Variants in SORCS1 observed in about 807,000 individuals in gnomAD.
The protein encoded by SORCS1 is VPS10 domain-containing receptor SorCS1.
A neutral mutation model predicts 146.1 loss-of-function variants in SORCS1; 60 were observed. The ratio of observed to expected loss-of-function variants is 0.41; its 90% confidence interval spans 0.33 to 0.51. SORCS1 has a LOEUF of 0.51. Among genes scored for constraint, SORCS1 ranks in the 20% least tolerant of loss-of-function variants. SORCS1 has a pLI of 0.21. For synonymous variants in SORCS1, 637 were observed against 584.0 expected, an observed-to-expected ratio of 1.09 and a Z score of -1.31; for missense variants, 1,352 against 1,487.6, an observed-to-expected ratio of 0.91 and a Z score of 1.50.
intron 22 of SORCS1, among the ~76,000 whole-genome samples, chr10:106,611,584 G>A (rs1284283717): frequency 1.3e-5 from 2 of 152,078 alleles, no homozygotes; most frequent in African/African-American, 2.4e-5. Flanking sequence ...AATTCCTAAT[G>A]GCCTAATTGT....
intron 5 of SORCS1, among the ~76,000 whole-genome samples, chr10:106,760,937 T>G (rs1260575728): frequency 6.6e-6 from 1 of 152,022 alleles, no homozygotes; most frequent in Non-Finnish European, 1.5e-5. Flanking sequence ...TGAAACCCCA[T>G]CTCTACTAAA....
intron 1 of SORCS1, among the ~76,000 whole-genome samples, chr10:106,964,507 G>T (rs948036390): frequency 6.6e-6 from 1 of 151,580 alleles, no homozygotes; most frequent in African/African-American, 2.4e-5. Flanking sequence ...AACTTTTTGA[G>T]ATGGAGTCTC....
At chr10:106,660,679 G>A (rs893826569) in intron 17 of SORCS1, among the ~76,000 whole-genome samples, 1 of 151,828 alleles carries the variant, frequency 6.6e-6, no homozygotes, top group East Asian at 1.9e-4. Context: ...GAATCCAGGA[G>A]GCAGAGGTTG....
In SORCS1 at chr10:106,687,336, T is replaced by C. The variant is rs181860469; in HGVS notation, c.1560+856A>G. Among the ~76,000 whole-genome samples the C allele has an allele frequency of 2.5e-3, 378 of 152,300 alleles. 5 individuals carry two copies. Among genetic ancestry groups the C allele is most frequent in the African/African-American group, 8.7e-3 (360 of 41,556 alleles). ...TCATATATCAAATATATAAATAAAT[T>C]CATACTAATCTATATACTGCCCAAA... On this transcript the variant is annotated intron_variant, in intron 10 of 25. Coordinates refer to ENST00000263054, the MANE Select transcript of SORCS1 (RefSeq NM_052918.5).
intron 2 of SORCS1, among the ~76,000 whole-genome samples, chr10:106,894,951 A>T (rs1589652244): frequency 6.6e-6 from 1 of 152,176 alleles, no homozygotes; most frequent in Non-Finnish European, 1.5e-5. Context: ...TTACATGAGT[A>T]TTTTTTTGTA....
intron 5 of SORCS1, among the ~76,000 whole-genome samples, chr10:106,737,657 A>G (rs5017786): frequency 0.78 from 118,602 of 151,538 alleles, 47,286 homozygotes; most frequent in Non-Finnish European, 0.87. Flanking sequence ...CTCAGGAGGC[A>G]GGGGTTGCAG....
intron 1 of SORCS1, among the ~76,000 whole-genome samples, chr10:107,069,531 A>G (rs529653478): frequency 1.3e-5 from 2 of 151,760 alleles, no homozygotes; most frequent in Admixed American, 1.3e-4. Flanking sequence ...ACCCACCACC[A>G]CGCCTGGCTA....
chr10:107,053,091 C>G (rs1960275714), intron 1 of SORCS1, among the ~76,000 whole-genome samples: 1 of 152,092 alleles, frequency 6.6e-6, no homozygotes, highest in Admixed American at 6.6e-5. Flanking sequence ...AATCAAAAGC[C>G]TACAGTCCAA....
intron 10 of SORCS1, among the ~76,000 whole-genome samples, chr10:106,685,757 C>G (rs751142264): frequency 1.3e-5 from 2 of 152,008 alleles, no homozygotes; most frequent in Admixed American, 6.6e-5. Context: ...GGGGCCTCAT[C>G]GGTCATGATA....
intron 3 of SORCS1, among the ~76,000 whole-genome samples, chr10:106,821,759 A>C (rs1354856547): frequency 4.6e-5 from 7 of 152,014 alleles, no homozygotes; most frequent in Non-Finnish European, 8.8e-5. Context: ...GTCTCTACTA[A>C]AAATACAAAA....
chr10:107,152,796 T>A (rs1306984681), intron 1 of SORCS1, among the ~76,000 whole-genome samples: 9 of 152,244 alleles, frequency 5.9e-5, no homozygotes, highest in Non-Finnish European at 1.3e-4. Context: ...ATTAGCAGCA[T>A]GAGAATGGAC....
rs11193132 is a variant in SORCS1, at chr10:106,961,634, C to A, written c.559-5054G>T. On this transcript the variant is annotated intron_variant, in intron 1 of 25. Transcript: ENST00000263054. ...GTCCTGGCAGGGTGAAATGAAGAAA[C>A]CTGCAGAACTAGCAGATGACAGCAA... Among the ~76,000 whole-genome samples, 1,157 of 152,228 alleles carry A rather than the reference C, an allele frequency of 7.6e-3. 12 individuals are homozygous for A. The highest frequency in any genetic ancestry group is 0.027 in the African/African-American group (1,112 of 41,540).
intron 1 of SORCS1, among the ~76,000 whole-genome samples, chr10:107,025,566 T>C (rs1958363855): frequency 6.6e-6 from 1 of 152,188 alleles, no homozygotes; most frequent in South Asian, 2.1e-4. Flanking sequence ...ATGAAGCAAA[T>C]CAGATACACT....
rs935441548 is a variant in SORCS1 at position 106,797,330 on chromosome 10, A to T, written c.727-20638T>A. ...CAATGGCATTTAACTCAAATATACA[A>T]TTTTTTTTTTCAAATATATCATTTG... On this transcript the variant is annotated intron_variant, in intron 3 of 25. Coordinates refer to ENST00000263054, the MANE Select transcript of SORCS1 (RefSeq NM_052918.5). Among the ~76,000 whole-genome samples the T allele has an allele frequency of 7.3e-5, 11 of 150,248 alleles. No individual in the cohort carries two copies. In the East Asian group the frequency reaches 1.9e-3, roughly 27 times the overall value.
chr10:107,106,139 T>C (rs1965286929), intron 1 of SORCS1, among the ~76,000 whole-genome samples: 1 of 152,172 alleles, frequency 6.6e-6, no homozygotes, highest in African/African-American at 2.4e-5. Context: ...GATCTCCTTG[T>C]CAAATATTCT....
chr10:106,585,243 T>C (rs1421260982), intron 24 of SORCS1, among the ~76,000 whole-genome samples: 2 of 150,948 alleles, frequency 1.3e-5, no homozygotes, highest in Admixed American at 6.6e-5. Context: ...AAAAAATGTA[T>C]AGTCTTTGAG....
chr10:106,883,015 G>A (rs1299905857), intron 2 of SORCS1, among the ~76,000 whole-genome samples: 1 of 152,206 alleles, frequency 6.6e-6, no homozygotes, highest in African/African-American at 2.4e-5. Flanking sequence ...AAAGCCGTAT[G>A]ATTGCAGAAA....
intron 1 of SORCS1, among the ~76,000 whole-genome samples, chr10:107,089,105 T>C (rs577057430): frequency 1.3e-5 from 2 of 152,306 alleles, no homozygotes; most frequent in African/African-American, 2.4e-5. Context: ...AAAACATCAA[T>C]AGTCATAATC....
intron 1 of SORCS1, among the ~76,000 whole-genome samples, chr10:106,976,333 G>GTTTTTTTTTTGTTTT (rs757120275): frequency 1.8e-5 from 2 of 113,814 alleles, no homozygotes; most frequent in East Asian, 2.5e-4. Context: ...AGGTTTTTTT[G>GTTTTTTTTTTGTTTT]TTTTTTTTTT....
Sources: allele counts gnomAD v4.1 joint callset (sites outside exome capture counted in the v4.1 genomes callset), GRCh38; gene constraint gnomAD v4.1.1; transcripts MANE v1.5; gene names NCBI Gene and HGNC (gene_info 2026-07-23, HGNC 2026-07-21).